SUGT1: variants seen among roughly 807,000 people sequenced by gnomAD.
SUGT1 encodes the protein protein SGT1 homolog.
In SUGT1, 15 loss-of-function variants were observed where a neutral mutation model predicts 56.1. That is an observed-to-expected ratio of 0.27 (90% CI 0.18 to 0.41). The LOEUF is 0.41. SUGT1 is among the 10% of genes least tolerant of loss of function. SUGT1 has a pLI of 1.00. For synonymous variants in SUGT1, 123 were observed against 128.6 expected (o/e 0.96, Z 0.30); for missense variants, 347 against 382.2 (o/e 0.91, Z 0.77).
At chr13:52,676,124 A>G in intron 10 of SUGT1, 106 bp from the exon 11 acceptor site, 1 of 771,878 alleles carries the variant, frequency 1.3e-6, no homozygotes, top group South Asian at 2.6e-5. Context: ...GGAAACTGTC[A>G]AAGATACTAT....
rs1963796302 is a variant in SUGT1, at chr13:52,692,098, A to G, written c.*4263A>G. On this transcript the variant is annotated 3_prime_UTR_variant, in exon 13 of 13. Coordinates refer to ENST00000310528, the MANE Select transcript of SUGT1 (RefSeq NM_006704.5). ...CTGACTCATTACTGCAAATAGTGGTAGTTACTGTGTACTAGCATTTCTTAT... is the reference window on the plus strand; with the variant it reads ...CTGACTCATTACTGCAAATAGTGGTGGTTACTGTGTACTAGCATTTCTTAT... The G allele has an allele frequency of 6.6e-6, 1 of 152,210 alleles. No homozygotes were observed. Among genetic ancestry groups the G allele is most frequent in the Non-Finnish European group, 1.5e-5 (1 of 68,036 alleles). 9.4% of individuals were successfully genotyped at this position (152,210 alleles called of 1,614,324 possible).
In SUGT1 at chr13:52,688,239, G is replaced by A. The variant is rs1377350280; in HGVS notation, c.*404G>A. 6.5e-6 allele frequency: 1 copy of A among 152,760 alleles called. No individual in the cohort carries two copies. The highest frequency in any genetic ancestry group is 1.9e-4 in the East Asian group (1 of 5,200). 9.5% of individuals were successfully genotyped at this position (152,760 alleles called of 1,614,324 possible). On this transcript the variant is annotated 3_prime_UTR_variant, in exon 13 of 13. Coordinates refer to ENST00000310528, the MANE Select transcript of SUGT1 (RefSeq NM_006704.5). ...TTTTTCACCTTCAGTGTTACATTGT[G>A]TTTGCTTTTAAAAACTGCTTTTGAA...
chr13:52,692,648 A>G lies in SUGT1; in HGVS notation c.*4813A>G, dbSNP rs1963815719. 6.6e-6 allele frequency: 1 copy of G among 152,280 alleles called. No homozygotes were observed. Among genetic ancestry groups the G allele is most frequent in the African/African-American group, 2.4e-5 (1 of 41,448 alleles). The allele number at this position is 152,280 out of a possible 1,614,324, so 9.4% of individuals were successfully genotyped here. A position where few individuals can be genotyped will look rare whatever the true frequency, so the allele number is the denominator to read the frequency against. ...CTGGTCTTGAACTCCTGACCTCATG[A>G]TCCGCCCACCTTGGCCTCCCAAAAT... is the stretch of plus-strand genomic sequence containing the variant. On this transcript the variant is annotated 3_prime_UTR_variant, in exon 13 of 13. Transcript: ENST00000310528.
At chr13:52,686,424 A>G (rs1258478343) in intron 12 of SUGT1, among the ~76,000 whole-genome samples, 3 of 152,358 alleles carry the variant, frequency 2.0e-5, no homozygotes, top group Non-Finnish European at 4.4e-5. Flanking sequence ...TTAAATTGCA[A>G]CAATGCACTG....
At chr13:52,668,796 A>G (rs1299313075) in intron 10 of SUGT1, among the ~76,000 whole-genome samples, 1 of 150,280 alleles carries the variant, frequency 6.7e-6, no homozygotes, top group Non-Finnish European at 1.5e-5. Flanking sequence ...ACTACGTTGC[A>G]CTCCAGCCTG....
At chr13:52,687,564 G>A (rs1480509330) in intron 12 of SUGT1, 170 bp from the exon 13 acceptor site, 4 of 367,558 alleles carry the variant, frequency 1.1e-5, no homozygotes, top group Non-Finnish European at 1.9e-5. Flanking sequence ...AGTTTATATT[G>A]AGCTATATAT....
intron 12 of SUGT1, among the ~76,000 whole-genome samples, chr13:52,686,949 T>TA (rs2138181330): frequency 6.6e-6 from 1 of 150,466 alleles, no homozygotes; most frequent in East Asian, 2.0e-4. Flanking sequence ...TGCATGCCTG[T>TA]AATCCCAGCT....
At chr13:52,655,249 A>G (rs1320123650) in intron 2 of SUGT1, among the ~76,000 whole-genome samples, 2 of 152,202 alleles carry the variant, frequency 1.3e-5, no homozygotes, top group Non-Finnish European at 2.9e-5. Flanking sequence ...AGGCTGAGGC[A>G]GGAGAATCAC....
At chr13:52,673,622 C>T (rs1963026784) in intron 10 of SUGT1, among the ~76,000 whole-genome samples, 1 of 152,176 alleles carries the variant, frequency 6.6e-6, no homozygotes, top group Non-Finnish European at 1.5e-5. Context: ...GCGAATGCTA[C>T]TCTGTGCTGC....
chr13:52,680,649 T>C (rs1963335663), intron 12 of SUGT1, among the ~76,000 whole-genome samples: 2 of 152,178 alleles, frequency 1.3e-5, no homozygotes, highest in South Asian at 4.1e-4. Context: ...TAATTCGTCA[T>C]TGTATATTTA....
At chr13:52,663,135 T>C (rs1480217035) in intron 7 of SUGT1, 23 bp downstream of exon 7, 1 of 1,604,440 alleles carries the variant, frequency 6.2e-7, no homozygotes, top group South Asian at 1.1e-5. Context: ...TTTTCATTCT[T>C]CATGTTTTTA....
chr13:52,686,145 C>G (rs1459001584), intron 12 of SUGT1, among the ~76,000 whole-genome samples: 3 of 152,092 alleles, frequency 2.0e-5, no homozygotes, highest in African/African-American at 7.2e-5. Flanking sequence ...CCAGGCTGGT[C>G]TTGAACTCCT....
intron 2 of SUGT1, among the ~76,000 whole-genome samples, chr13:52,653,608 G>T (rs61959590): frequency 6.6e-6 from 1 of 151,710 alleles, no homozygotes; most frequent in Non-Finnish European, 1.5e-5. Flanking sequence ...TTTTTTTTTG[G>T]AGTGGCTGTG....
At chr13:52,659,326 A>G in intron 5 of SUGT1, 77 bp downstream of exon 5, 1 of 892,784 alleles carries the variant, frequency 1.1e-6, no homozygotes, top group Non-Finnish European at 1.6e-6. Context: ...TGGTAATGTT[A>G]ATTTCAAGTT....
rs1963899431 is a variant in SUGT1 at position 52,695,347 on chromosome 13, A to G, written c.*7512A>G. On this transcript the variant is annotated 3_prime_UTR_variant, in exon 13 of 13. Transcript: ENST00000310528. ...CCACAGAGACAGGTGTTGTTTTGTA[A>G]TGGAAGGAGTAGTAACTTATGAATC... is the stretch of plus-strand genomic sequence containing the variant. 6.6e-6 allele frequency: 1 copy of G among 152,082 alleles called. No homozygotes were observed. Among genetic ancestry groups the G allele is most frequent in the African/African-American group, 2.4e-5 (1 of 41,388 alleles). 9.4% of individuals were successfully genotyped at this position (152,082 alleles called of 1,614,324 possible).
chr13:52,672,599 G>GA (rs368911433), intron 10 of SUGT1, among the ~76,000 whole-genome samples: 5 of 152,318 alleles, frequency 3.3e-5, no homozygotes, highest in African/African-American at 1.2e-4. Flanking sequence ...AGTATGTTGG[G>GA]AAGGCTGTAT....
At chr13:52,655,221 C>T (rs1412741026) in intron 2 of SUGT1, among the ~76,000 whole-genome samples, 4 of 152,024 alleles carry the variant, frequency 2.6e-5, no homozygotes, top group Non-Finnish European at 5.9e-5. Flanking sequence ...GGTGGGCAGC[C>T]GTAATCAGCT....
chr13:52,692,359 C>G lies in SUGT1; in HGVS notation c.*4524C>G, dbSNP rs1963805692. On this transcript the variant is annotated 3_prime_UTR_variant, in exon 13 of 13. Transcript: ENST00000310528. ...ATGTGGAATGAATGATTTTTATTAC[C>G]AAATCAGCTGACTGGAAATGAAGCA... 6.6e-6 allele frequency: 1 copy of G among 152,038 alleles called. No individual in the cohort carries two copies. Among genetic ancestry groups the G allele is most frequent in the African/African-American group, 2.4e-5 (1 of 41,386 alleles). The allele number at this position is 152,038 out of a possible 1,614,324, so 9.4% of individuals were successfully genotyped here.
At position 52,695,569 on chromosome 13, in the gene SUGT1, T is replaced by C. The variant is rs1422848706; in HGVS notation, c.*7734T>C. On this transcript the variant is annotated 3_prime_UTR_variant, in exon 13 of 13. Coordinates refer to ENST00000310528, the MANE Select transcript of SUGT1 (RefSeq NM_006704.5). ...AAATGTAAAGTCCTTGATTTATTTT[T>C]TCCCCTCAGTCCTGTTTAGTGTTGA... 6.6e-6 allele frequency: 1 copy of C among 152,224 alleles called. No homozygotes were observed. Among genetic ancestry groups the C allele is most frequent in the Non-Finnish European group, 1.5e-5 (1 of 68,034 alleles). The allele number at this position is 152,224 out of a possible 1,614,324, so 9.4% of individuals were successfully genotyped here.
Sources: gnomAD v4.1 joint callset for allele counts (sites outside exome capture counted in the v4.1 genomes callset) on GRCh38, gnomAD v4.1.1 for gene constraint, MANE v1.5 for transcripts, NCBI Gene and HGNC (gene_info 2026-07-23, HGNC 2026-07-21) for gene names.